Variants in POLE2 observed in about 807,000 individuals in gnomAD.
The protein encoded by POLE2 is DNA polymerase epsilon 2, accessory subunit.
Under a neutral mutation model 79.4 loss-of-function variants are expected in POLE2, and 56 were observed. The ratio of observed to expected loss-of-function variants is 0.71; its 90% confidence interval spans 0.57 to 0.88. The LOEUF is 0.88. POLE2 is among the 40% of genes least tolerant of loss of function. The pLI is 0.00. For missense variants in POLE2, 598 were observed against 638.9 expected (o/e 0.94, Z 0.69); for synonymous variants, 212 against 214.0 (o/e 0.99, Z 0.08).
chr14:49,646,978 G>A (rs1173535117), intron 18 of POLE2: 3 of 202,796 alleles, frequency 1.5e-5, no homozygotes, highest in African/African-American at 4.6e-5. Flanking sequence ...GCAACCATAC[G>A]GAGGGCAGGA....
intron 1 of POLE2, among the ~76,000 whole-genome samples, chr14:49,687,423 C>T (rs910884393): frequency 5.3e-5 from 8 of 151,866 alleles, no homozygotes; most frequent in African/African-American, 1.7e-4. Flanking sequence ...CTCAAAAACA[C>T]GGATATGCCC....
chr14:49,672,508 T>G (rs900121888), intron 5 of POLE2, among the ~76,000 whole-genome samples: 15 of 151,932 alleles, frequency 9.9e-5, no homozygotes, highest in African/African-American at 3.6e-4. Flanking sequence ...CCTCTTTTTT[T>G]TTTTTTTTGA....
chr14:49,680,852 C>T (rs45589231), intron 2 of POLE2, among the ~76,000 whole-genome samples: 4 of 151,496 alleles, frequency 2.6e-5, no homozygotes, highest in Non-Finnish European at 5.9e-5. Context: ...AGGATGGTCT[C>T]GATCTCCTGA....
chr14:49,679,497 T>C (rs1219842825), intron 3 of POLE2: 3 of 402,154 alleles, frequency 7.5e-6, no homozygotes, highest in African/African-American at 6.2e-5. Flanking sequence ...AAGTTAGTAA[T>C]GAATGGTACA....
intron 5 of POLE2, among the ~76,000 whole-genome samples, chr14:49,671,992 A>C (rs982177806): frequency 6.6e-6 from 1 of 152,160 alleles, no homozygotes; most frequent in African/African-American, 2.4e-5. Context: ...ACTGCATCCA[A>C]CTGAAGATCA....
intron 10 of POLE2, among the ~76,000 whole-genome samples, chr14:49,659,895 A>G (rs1884977843): frequency 1.3e-5 from 2 of 152,266 alleles, no homozygotes; most frequent in Non-Finnish European, 1.5e-5. Context: ...AGGCTAGGTT[A>G]ATTTCTTACT....
intron 6 of POLE2, among the ~76,000 whole-genome samples, chr14:49,667,880 A>T (rs1050510588): frequency 1.3e-5 from 2 of 152,132 alleles, no homozygotes; most frequent in Non-Finnish European, 2.9e-5. Context: ...CTATAGAAAA[A>T]AATTTAAAAT....
At chr14:49,645,672 G>T (rs1175864291) in intron 18 of POLE2, among the ~76,000 whole-genome samples, 2 of 152,242 alleles carry the variant, frequency 1.3e-5, no homozygotes, top group African/African-American at 4.8e-5. Flanking sequence ...AGGCTGGAGT[G>T]CAGTGTGGAC....
intron 1 of POLE2, among the ~76,000 whole-genome samples, chr14:49,685,849 G>A (rs1479043502): frequency 6.6e-6 from 1 of 151,568 alleles, no homozygotes; most frequent in African/African-American, 2.4e-5. Context: ...GGCCGGTCTC[G>A]AATTCCTGAC....
chr14:49,676,636 C>G (rs184460059), intron 3 of POLE2, among the ~76,000 whole-genome samples: 8 of 152,330 alleles, frequency 5.3e-5, no homozygotes, highest in Non-Finnish European at 1.0e-4. Flanking sequence ...GTGAGGAGTA[C>G]GGGCTGGCCG....
intron 11 of POLE2, 85 bp from the exon 12 acceptor site, chr14:49,655,179 A>G (rs1884563843): frequency 4.5e-6 from 2 of 443,236 alleles, no homozygotes; most frequent in Non-Finnish European, 7.6e-6. Context: ...TTCTAATAAT[A>G]AAAATTTATT....
Position 49,650,292 on chromosome 14 carries a change from T to C in POLE2, c.1470A>G (p.Thr490=). 3 of 1,604,758 alleles carry C rather than the reference T, an allele frequency of 1.9e-6. No homozygotes were observed. The highest frequency in any genetic ancestry group is 2.6e-6 in the Non-Finnish European group (3 of 1,174,626). The part of the protein sequence containing the change: ...IADKYDPFTT[T]NTECLCINPG... Reference sequence around the variant, plus strand: ...GGTTTATGCAGAGGCATTCGGTATTTGTCGTAGTGAAAGGATCATATTTGT... The same window carrying C: ...GGTTTATGCAGAGGCATTCGGTATTCGTCGTAGTGAAAGGATCATATTTGT... Residue 490 remains threonine, a synonymous_variant, in exon 17 of 19, where the codon ACA becomes ACG. Transcript: ENST00000216367.
intron 16 of POLE2, among the ~76,000 whole-genome samples, chr14:49,650,707 T>C (rs577971898): frequency 2.0e-5 from 3 of 152,298 alleles, no homozygotes; most frequent in African/African-American, 7.2e-5. Flanking sequence ...ACTCCTGGCC[T>C]CAAGCAAGCC....
chr14:49,650,295 C>T lies in POLE2; in HGVS notation c.1467G>A (p.Thr489=), dbSNP rs374026236. 3.1e-6 allele frequency: 5 copies of T among 1,604,614 alleles called. No homozygotes were observed. Among genetic ancestry groups the T allele is most frequent in the African/African-American group, 1.3e-5 (1 of 74,570 alleles). The change falls in exon 17 of 19, where the codon ACG becomes ACA. Residue 489 remains threonine (T), a synonymous_variant. Transcript: ENST00000216367. ...VIADKYDPFT[T]TNTECLCINP... ...TTATGCAGAGGCATTCGGTATTTGTCGTAGTGAAAGGATCATATTTGTCTG... is the reference window on the plus strand; with the variant it reads ...TTATGCAGAGGCATTCGGTATTTGTTGTAGTGAAAGGATCATATTTGTCTG...
At chr14:49,664,399 G>C (rs893065468) in intron 9 of POLE2, among the ~76,000 whole-genome samples, 5 of 150,816 alleles carry the variant, frequency 3.3e-5, no homozygotes, top group African/African-American at 1.2e-4. Flanking sequence ...GTGATTTTTA[G>C]TATATTCACA....
At position 49,651,269 on chromosome 14, in the gene POLE2, G is replaced by T. The variant is rs111841426; in HGVS notation, c.1320C>A (p.His440Gln). 9.5e-6 allele frequency: 14 copies of T among 1,476,122 alleles called. No homozygotes were observed. Among genetic ancestry groups the T allele is most frequent in the Non-Finnish European group, 1.2e-5 (13 of 1,058,930 alleles). 91.4% of individuals were successfully genotyped at this position (1,476,122 alleles called of 1,614,324 possible). The change falls in exon 16 of 19, where the codon CAC becomes CAA. Residue 440 changes from histidine (H) to glutamine (Q), a missense_variant and splice_region_variant. Physicochemically the swap from His to Gln is conservative, Grantham distance 24. Transcript: ENST00000216367. The stretch of plus-strand genomic sequence containing the variant: ...TTAATAAAAAAGTTGTTTCACTTAC[G>T]TGATTAGGAATAGCCAAATTGCTGC... ...FPSSNLAIPN[H>Q]FVKTILSQGH...
chr14:49,644,971 G>C (rs1251391765), intron 18 of POLE2, among the ~76,000 whole-genome samples: 1 of 151,012 alleles, frequency 6.6e-6, no homozygotes, highest in East Asian at 1.9e-4. Context: ...GAACCCAAGA[G>C]ATGGAGGTTG....
intron 10 of POLE2, among the ~76,000 whole-genome samples, chr14:49,661,308 C>T (rs377654104): frequency 1.3e-5 from 2 of 152,152 alleles, no homozygotes; most frequent in Admixed American, 6.5e-5. Flanking sequence ...GTGCTTAGTA[C>T]GGTGTGAGCC....
At chr14:49,677,667 G>A in intron 3 of POLE2, 1 of 876,184 alleles carries the variant, frequency 1.1e-6, no homozygotes, top group South Asian at 1.7e-5. Context: ...ACAATGTTTG[G>A]GGAAGGCCCT....
Sources: allele counts gnomAD v4.1 joint callset (sites outside exome capture counted in the v4.1 genomes callset), GRCh38; gene constraint gnomAD v4.1.1; transcripts MANE v1.5; gene names NCBI Gene and HGNC (gene_info 2026-07-23, HGNC 2026-07-21).